The following GPHN variants were observed in gnomAD, a reference collection of about 807,000 sequenced individuals.
GPHN encodes gephyrin.
GPHN carries 17 observed loss-of-function variants against 95.5 expected under a neutral mutation model. The observed-to-expected ratio is 0.18, with a 90% CI of 0.12 to 0.27. The LOEUF (loss-of-function observed/expected upper bound fraction) is 0.27. Among genes scored for constraint, GPHN ranks in the 10% least tolerant of loss-of-function variants. The pLI is 1.00. For synonymous variants in GPHN, 320 were observed against 322.5 expected (o/e 0.99, Z 0.08); for missense variants, 660 against 978.1 (o/e 0.67, Z 4.34).
intron 1 of GPHN, among the ~76,000 whole-genome samples, chr14:66,545,317 G>A (rs1159869231): frequency 1.6e-4 from 22 of 140,552 alleles, no homozygotes; most frequent in Admixed American, 2.8e-4. Context: ...CAGACGGGGC[G>A]GCTGGCCGGG....
the GPHN span, chr14:67,447,435 A>G: frequency 1.3e-5 from 2 of 152,240 alleles, no homozygotes; most frequent in African/African-American, 4.8e-5. Flanking sequence ...GAAAAAGATA[A>G]AGAAAAAAAG....
chr14:67,473,681 C>T, the GPHN span: 2 of 1,584,056 alleles, frequency 1.3e-6, no homozygotes, highest in Admixed American at 1.8e-5. The surrounding 1 kb of genome is among the most constrained non-coding windows in gnomAD (Gnocchi z 6.5). Context: ...AGGTCCAGAG[C>T]GTGTAGATGA....
the GPHN span, among the ~76,000 whole-genome samples, chr14:67,407,530 C>T: frequency 2.6e-5 from 4 of 151,700 alleles, no homozygotes; most frequent in African/African-American, 7.3e-5. Context: ...AGCCTCAAAC[C>T]CCTGGGCTCA....
At chr14:67,135,117 A>G (rs10145508) in intron 17 of GPHN, among the ~76,000 whole-genome samples, 49,082 of 149,794 alleles carry the variant, frequency 0.33, 12,666 homozygotes, top group African/African-American at 0.7. Flanking sequence ...CTGCCACCAC[A>G]CCCAACTAAT....
the GPHN span, chr14:67,727,827 C>T: frequency 2.6e-5 from 4 of 155,284 alleles, no homozygotes; most frequent in African/African-American, 7.2e-5. Context: ...CAGGTGAGGG[C>T]ATCAGAACCG....
At chr14:67,548,333 G>C in the GPHN span, among the ~76,000 whole-genome samples, 1 of 152,138 alleles carries the variant, frequency 6.6e-6, no homozygotes, top group African/African-American at 2.4e-5. Context: ...ATCAATATTA[G>C]AACTAATACA....
At chr14:66,921,935 A>G (rs927841738) in intron 6 of GPHN, among the ~76,000 whole-genome samples, 3 of 152,204 alleles carry the variant, frequency 2.0e-5, no homozygotes, top group African/African-American at 7.2e-5. Context: ...ATCTTCGACA[A>G]AGCAAACAAA....
At chr14:67,715,838 G>C in the GPHN span, among the ~76,000 whole-genome samples, 1 of 152,266 alleles carries the variant, frequency 6.6e-6, no homozygotes, top group South Asian at 2.1e-4. Flanking sequence ...TGCAAACCTT[G>C]GTTCCATGTG....
At chr14:67,611,777 G>A in the GPHN span, among the ~76,000 whole-genome samples, 1 of 152,212 alleles carries the variant, frequency 6.6e-6, no homozygotes, top group Non-Finnish European at 1.5e-5. Context: ...ACAGACCAGG[G>A]TGGGGGGATG....
intron 4 of GPHN, among the ~76,000 whole-genome samples, chr14:66,857,077 C>T (rs901495237): frequency 6.6e-6 from 1 of 152,038 alleles, no homozygotes; most frequent in Non-Finnish European, 1.5e-5. Context: ...ATTATTTGTT[C>T]TAGAAAGTCT....
chr14:67,332,679 A>T, the GPHN span: 2 of 1,106,314 alleles, frequency 1.8e-6, no homozygotes, highest in East Asian at 2.6e-5. Context: ...ACAGAAGGAA[A>T]GCTATGAAGG....
At chr14:67,327,239 T>G in the GPHN span, among the ~76,000 whole-genome samples, 1 of 152,156 alleles carries the variant, frequency 6.6e-6, no homozygotes, top group African/African-American at 2.4e-5. Context: ...TAAAGTCTTT[T>G]TGTAGACCTA....
At chr14:67,674,582 AC>A in the GPHN span, 1 of 1,071,956 alleles carries the variant, frequency 9.3e-7, no homozygotes, top group South Asian at 2.0e-5. Context: ...AGTGGCCATA[AC>A]GGCGACCGCC....
At chr14:67,719,926 C>G in the GPHN span, among the ~76,000 whole-genome samples, 1 of 152,096 alleles carries the variant, frequency 6.6e-6, no homozygotes, top group Non-Finnish European at 1.5e-5. Context: ...ATATACAATG[C>G]TATAATGGTA....
intron 17 of GPHN, among the ~76,000 whole-genome samples, chr14:67,125,605 C>T (rs557089550): frequency 1.3e-5 from 2 of 152,190 alleles, no homozygotes; most frequent in East Asian, 1.9e-4. Flanking sequence ...GGCGAACCCC[C>T]GTCTGTACTA....
At chr14:67,410,216 G>A in the GPHN span, among the ~76,000 whole-genome samples, 3 of 152,076 alleles carry the variant, frequency 2.0e-5, no homozygotes, top group Non-Finnish European at 4.4e-5. Context: ...TCAGCATGGT[G>A]GGGGTGATAG....
intron 5 of GPHN, among the ~76,000 whole-genome samples, chr14:66,907,475 A>G (rs1049638050): frequency 7.9e-5 from 12 of 152,206 alleles, no homozygotes; most frequent in Admixed American, 6.6e-4. Context: ...GAGCAGTAAC[A>G]CTATTTGATA....
At chr14:67,608,620 C>T in the GPHN span, among the ~76,000 whole-genome samples, 4 of 152,154 alleles carry the variant, frequency 2.6e-5, no homozygotes, top group African/African-American at 9.7e-5. Context: ...TGAATTAGGA[C>T]TTTCTGGTGC....
the GPHN span, among the ~76,000 whole-genome samples, chr14:67,464,121 T>C: frequency 6.6e-6 from 1 of 152,116 alleles, no homozygotes; most frequent in Non-Finnish European, 1.5e-5. Context: ...AGAGCAGCCC[T>C]GCACCTGCAC....
Sources: allele counts gnomAD v4.1 joint callset (sites outside exome capture counted in the v4.1 genomes callset), GRCh38; gene constraint gnomAD v4.1.1; non-coding constraint Gnocchi (gnomAD v3.1); transcripts MANE v1.5; gene names NCBI Gene and HGNC (gene_info 2026-07-23, HGNC 2026-07-21).